DOCK4: variants seen among roughly 807,000 people sequenced by gnomAD.
The protein encoded by DOCK4 is dedicator of cytokinesis 4, also known as dedicator of cytokinesis protein 4.
DOCK4 carries 97 observed loss-of-function variants against 268.1 expected under a neutral mutation model. The observed-to-expected ratio is 0.36, with a 90% confidence interval of 0.31 to 0.43. The LOEUF is 0.43. Ranked by LOEUF, DOCK4 falls within the 20% of genes least tolerant of loss-of-function variation. The pLI is 1.00. For missense variants in DOCK4, 2,145 were observed against 2,455.7 expected (o/e 0.87, Z 2.67); for synonymous variants, 954 against 887.2 (o/e 1.08, Z -1.34).
At chr7:111,822,496 G>A (rs1258525353) in intron 26 of DOCK4, 40 bp from the exon 27 acceptor site, 3 of 1,526,376 alleles carry the variant, frequency 2.0e-6, no homozygotes, top group Non-Finnish European at 2.7e-6. Context: ...TTGGTTTATT[G>A]TAACTGTCAA....
intron 27 of DOCK4, among the ~76,000 whole-genome samples, chr7:111,818,342 T>C (rs149019327): frequency 4.3e-4 from 65 of 152,304 alleles, no homozygotes; most frequent in African/African-American, 1.5e-3. Context: ...CACTTGAATA[T>C]CTAGTACACC....
chr7:112,196,344 A>G (rs73440657), intron 1 of DOCK4, among the ~76,000 whole-genome samples: 4,014 of 152,210 alleles, frequency 0.026, 172 homozygotes, highest in African/African-American at 0.092. Flanking sequence ...CTCTGTCACC[A>G]ATACCCTGCC....
At chr7:111,895,920 T>G (rs1455632725) in intron 15 of DOCK4, among the ~76,000 whole-genome samples, 1 of 152,170 alleles carries the variant, frequency 6.6e-6, no homozygotes, top group Non-Finnish European at 1.5e-5. Context: ...CAACTTACAT[T>G]TCTTGCCTAA....
chr7:111,739,456 A>G lies in DOCK4; in HGVS notation c.5062T>C (p.Leu1688=). ...GGTGAAGCCGAGTGAGTAGAACTCA[A>G]GCTTGAGGTAGATGGACTTGGCTGG... The part of the protein sequence containing the change: ...NMQPSPSTSS[L]SSTHSASPNV... Residue 1688 remains leucine, a synonymous_variant, in exon 48 of 53, where the codon TTG becomes CTG. Coordinates refer to ENST00000428084, the MANE Select transcript of DOCK4 (RefSeq NM_001363540.2). The G allele has an allele frequency of 6.4e-7, 1 of 1,570,080 alleles. No homozygotes were observed. Among genetic ancestry groups the G allele is most frequent in the Non-Finnish European group, 8.6e-7 (1 of 1,157,614 alleles).
At chr7:112,122,218 T>C (rs1812793704) in intron 1 of DOCK4, among the ~76,000 whole-genome samples, 1 of 152,218 alleles carries the variant, frequency 6.6e-6, no homozygotes, top group Non-Finnish European at 1.5e-5. Flanking sequence ...TTAGTCATTT[T>C]TAAGTGTACA....
chr7:111,889,782 C>T (rs569253809), intron 16 of DOCK4, among the ~76,000 whole-genome samples: 3 of 152,208 alleles, frequency 2.0e-5, no homozygotes, highest in African/African-American at 7.2e-5. Context: ...CCCTCTCCAA[C>T]CAGGAAACAG....
chr7:112,022,977 C>T (rs1017304877), intron 1 of DOCK4, among the ~76,000 whole-genome samples: 5 of 152,026 alleles, frequency 3.3e-5, no homozygotes, highest in African/African-American at 7.3e-5. Flanking sequence ...AGTGCAGTGG[C>T]GTGGTCTCGG....
chr7:111,732,424 TGGG>T, intron 51 of DOCK4, 137 bp from the exon 52 acceptor site: 1 of 794,012 alleles, frequency 1.3e-6, no homozygotes, highest in South Asian at 1.7e-5. Context: ...GTGGTGAGGA[TGGG>T]GGAGAAGCTA....
intron 28 of DOCK4, 131 bp from the exon 29 acceptor site, chr7:111,809,532 T>G: frequency 1.5e-6 from 1 of 681,398 alleles, no homozygotes; most frequent in Non-Finnish European, 2.6e-6. Context: ...CATGAGTTGA[T>G]AATAGTTGAA....
chr7:111,868,428 T>A (rs1274019588), intron 21 of DOCK4, among the ~76,000 whole-genome samples: 1 of 152,156 alleles, frequency 6.6e-6, no homozygotes, highest in Non-Finnish European at 1.5e-5. Flanking sequence ...AAAAACACTT[T>A]AGCCGGGCAC....
At chr7:111,869,504 A>G (rs1806244668) in intron 21 of DOCK4, 70 bp downstream of exon 21, 3 of 1,351,998 alleles carry the variant, frequency 2.2e-6, no homozygotes, top group Non-Finnish European at 3.2e-6. Context: ...GTGTAGAGGA[A>G]CCAATTAGTT....
chr7:112,131,300 T>C lies in DOCK4; in HGVS notation c.37+74802A>G, dbSNP rs75701964. On this transcript the variant is annotated intron_variant, in intron 1 of 52. Transcript: ENST00000428084. ...CTACAGTGTCAAGTATATGCAGCCA[T>C]GTGATTCCCTGTGTACCTGGGAAGG... Among the ~76,000 whole-genome samples, 931 of 152,238 alleles carry C rather than the reference T, an allele frequency of 6.1e-3. 11 individuals are homozygous for C. The highest frequency in any genetic ancestry group is 0.021 in the African/African-American group (859 of 41,526).
intron 32 of DOCK4, among the ~76,000 whole-genome samples, chr7:111,787,743 G>C (rs572973495): frequency 2.6e-4 from 39 of 152,192 alleles, no homozygotes; most frequent in African/African-American, 9.4e-4. Context: ...GGTGATACTT[G>C]GGCATAAATA....
chr7:112,069,184 G>C (rs2135657811), intron 1 of DOCK4, among the ~76,000 whole-genome samples: 1 of 152,274 alleles, frequency 6.6e-6, no homozygotes, highest in East Asian at 1.9e-4. Context: ...GTAACACCAA[G>C]TTTGTACACC....
intron 1 of DOCK4, among the ~76,000 whole-genome samples, chr7:112,139,569 G>A (rs1814695547): frequency 6.6e-6 from 1 of 152,150 alleles, no homozygotes; most frequent in Non-Finnish European, 1.5e-5. Flanking sequence ...TAAAATGAGA[G>A]GGAACAGGGA....
intron 1 of DOCK4, among the ~76,000 whole-genome samples, chr7:112,187,314 T>C (rs1819561165): frequency 6.6e-6 from 1 of 152,174 alleles, no homozygotes; most frequent in Admixed American, 6.5e-5. Flanking sequence ...CAGAGTCCAG[T>C]CACTTTGAAG....
At chr7:112,164,459 T>A (rs565654103) in intron 1 of DOCK4, among the ~76,000 whole-genome samples, 2 of 152,288 alleles carry the variant, frequency 1.3e-5, no homozygotes, top group East Asian at 3.9e-4. Context: ...AAAACTGAAT[T>A]AATAATAATA....
At chr7:112,157,586 T>C (rs996934328) in intron 1 of DOCK4, among the ~76,000 whole-genome samples, 1 of 152,158 alleles carries the variant, frequency 6.6e-6, no homozygotes, top group Non-Finnish European at 1.5e-5. Flanking sequence ...AGTTCAGGGA[T>C]TAGAGCACCC....
intron 25 of DOCK4, among the ~76,000 whole-genome samples, chr7:111,839,993 C>T (rs1803553011): frequency 6.6e-6 from 1 of 152,010 alleles, no homozygotes; most frequent in African/African-American, 2.4e-5. Context: ...ATCCTAGACT[C>T]ATAATTTATT....
Sources: allele counts gnomAD v4.1 joint callset (sites outside exome capture counted in the v4.1 genomes callset), GRCh38; gene constraint gnomAD v4.1.1; transcripts MANE v1.5; gene names NCBI Gene and HGNC (gene_info 2026-07-23, HGNC 2026-07-21).